Variants in DMXL2 observed in about 807,000 individuals in gnomAD.
DMXL2 encodes Dmx like 2.
DMXL2 carries 103 observed loss-of-function variants against 331.1 expected under a neutral mutation model. That is an observed-to-expected ratio of 0.31 (90% CI 0.27 to 0.37). The LOEUF (loss-of-function observed/expected upper bound fraction) is 0.37. DMXL2 is among the 10% of genes least tolerant of loss of function. The probability of loss-of-function intolerance (pLI) is 1.00; values close to 1 mark genes in which losing one functional copy is unlikely to be tolerated. For missense variants in DMXL2, 3,171 were observed against 3,642.9 expected, an observed-to-expected ratio of 0.87 and a Z score of 3.33; for synonymous variants, 1,281 against 1,252.1, an observed-to-expected ratio of 1.02 and a Z score of -0.49.
At chr15:51,491,827 G>T in intron 19 of DMXL2, 80 bp from the exon 20 acceptor site, 1 of 1,210,862 alleles carries the variant, frequency 8.3e-7, no homozygotes, top group Non-Finnish European at 1.1e-6. Flanking sequence ...AGTCACATAC[G>T]CATTCATTTT....
At chr15:51,608,810 A>C (rs1317417568) in intron 1 of DMXL2, among the ~76,000 whole-genome samples, 1 of 152,190 alleles carries the variant, frequency 6.6e-6, no homozygotes, top group Non-Finnish European at 1.5e-5. Context: ...TTACAACACT[A>C]ACAGATTGAT....
At chr15:51,498,454 G>A in intron 18 of DMXL2, 98 bp downstream of exon 18, 2 of 1,265,666 alleles carry the variant, frequency 1.6e-6, no homozygotes, top group Non-Finnish European at 2.2e-6. Flanking sequence ...TGCAAAGTTT[G>A]AAAGTTGAGA....
intron 29 of DMXL2, among the ~76,000 whole-genome samples, chr15:51,468,183 G>C (rs1328963034): frequency 2.0e-5 from 3 of 152,156 alleles, no homozygotes; most frequent in African/African-American, 7.2e-5. Context: ...AACCAAGTAA[G>C]AGCGAGCACC....
At chr15:51,547,511 A>G (rs2048951529) in intron 6 of DMXL2, 103 bp from the exon 7 acceptor site, 2 of 705,862 alleles carry the variant, frequency 2.8e-6, no homozygotes, top group East Asian at 3.0e-5. Flanking sequence ...CTAAAAACTA[A>G]TATGTGACTT....
intron 23 of DMXL2, among the ~76,000 whole-genome samples, chr15:51,485,081 G>A (rs995346240): frequency 1.6e-4 from 23 of 142,448 alleles, no homozygotes; most frequent in African/African-American, 5.6e-4. Flanking sequence ...AAAAAAGAAT[G>A]AAGAAAGCCT....
chr15:51,585,541 T>A (rs1342086928), intron 1 of DMXL2, among the ~76,000 whole-genome samples: 1 of 152,214 alleles, frequency 6.6e-6, no homozygotes, highest in South Asian at 2.1e-4. Flanking sequence ...TATGTATAGA[T>A]GATATATGCG....
rs200732334 is a variant in DMXL2, at chr15:51,463,501, T to C, written c.7809-5A>G. The stretch of plus-strand genomic sequence containing the variant: ...AATGCAGAAGAATCCCGGGACCTAT[T>C]AAAAAAAATTAACATATCACACTAC... On this transcript the variant is annotated splice_region_variant and splice_polypyrimidine_tract_variant and intron_variant, in intron 32 of 43. Transcript: ENST00000560891. The C allele has an allele frequency of 6.7e-5, 102 of 1,514,818 alleles. No individual in the cohort carries two copies. The African/African-American group carries it at 1.2e-3, about 18-fold the overall frequency. 93.8% of individuals were successfully genotyped at this position (1,514,818 alleles called of 1,614,324 possible).
In DMXL2 at chr15:51,568,444, T is replaced by G. The variant is rs757520110; in HGVS notation, c.285+43A>C. The G allele has an allele frequency of 6.9e-6, 9 of 1,298,814 alleles. No homozygotes were observed. The African/African-American group carries it at 1.2e-4, about 18-fold the overall frequency. The allele number at this position is 1,298,814 out of a possible 1,614,324, so 80.5% of individuals were successfully genotyped here. A position where few individuals can be genotyped will look rare whatever the true frequency, so the allele number is the denominator to read the frequency against. On this transcript the variant is annotated intron_variant, in intron 3 of 43. Transcript: ENST00000560891. ...TATTAACATCAATTGGATTCTAAAG[T>G]TAACTAGATTCTAAAAGTATTCTAT...
At chr15:51,561,485 G>A (rs1478295102) in intron 6 of DMXL2, among the ~76,000 whole-genome samples, 1 of 152,058 alleles carries the variant, frequency 6.6e-6, no homozygotes, top group Middle Eastern at 3.4e-3. Context: ...ACCCGTGGTG[G>A]CAGAGGCAGG....
In DMXL2 at chr15:51,499,658, G is replaced by A. The variant is rs763943664; in HGVS notation, c.3566C>T (p.Ala1189Val). ...AAGCCTTCCATACATGAAGATATTC[G>A]CACCGACTCCCACTGTAAGAATGTG... ...GSHILTVGVG[A>V]NIFMYGRLSG... Residue 1189 changes from alanine (A) to valine (V), a missense_variant, in exon 18 of 44, where the codon GCG becomes GTG. Around this residue, in one of 7 missense-constraint regions of DMXL2, gnomAD observed 1,674 missense variants for 1,780.2 expected, o/e 0.94. Coordinates refer to ENST00000560891, the MANE Select transcript of DMXL2 (RefSeq NM_001378457.1). 27 of 1,613,676 alleles carry A rather than the reference G, an allele frequency of 1.7e-5. No individual in the cohort carries two copies. Among genetic ancestry groups the A allele is most frequent in the South Asian group, 2.2e-5 (2 of 91,068 alleles).
chr15:51,596,910 G>A (rs572780010), intron 1 of DMXL2, among the ~76,000 whole-genome samples: 13 of 152,192 alleles, frequency 8.5e-5, no homozygotes, highest in Middle Eastern at 3.4e-3. Flanking sequence ...ATCACACACC[G>A]GGGCCTGTTG....
intron 36 of DMXL2, chr15:51,457,811 T>G (rs1199111887): frequency 5.1e-6 from 1 of 197,146 alleles, no homozygotes; most frequent in East Asian, 1.4e-4. Context: ...TTTAAAGATT[T>G]CTTGGAGTAA....
intron 16 of DMXL2, among the ~76,000 whole-genome samples, chr15:51,504,506 T>A (rs2140526224): frequency 6.6e-6 from 1 of 152,324 alleles, no homozygotes; most frequent in East Asian, 1.9e-4. Flanking sequence ...AGATACTCTA[T>A]ATTTATTTAT....
At chr15:51,513,984 CTG>C (rs762744368) in intron 15 of DMXL2, among the ~76,000 whole-genome samples, 3 of 152,254 alleles carry the variant, frequency 2.0e-5, no homozygotes, top group African/African-American at 7.2e-5. Flanking sequence ...AAGGGGAAAA[CTG>C]TGAGATGGTA....
chr15:51,608,516 T>C (rs929294700), intron 1 of DMXL2, among the ~76,000 whole-genome samples: 8 of 152,160 alleles, frequency 5.3e-5, no homozygotes, highest in African/African-American at 1.4e-4. Context: ...AAATACCACA[T>C]ATTCTCATTT....
At chr15:51,496,497 G>A (rs747596104) in intron 18 of DMXL2, among the ~76,000 whole-genome samples, 7 of 152,188 alleles carry the variant, frequency 4.6e-5, no homozygotes, top group East Asian at 1.9e-4. Flanking sequence ...AGCATAGATC[G>A]TGTGGGGCCT....
In DMXL2 at chr15:51,463,363, A is replaced by G. The variant is rs1595901999; in HGVS notation, c.7926+16T>C. 4 of 1,388,640 alleles carry G rather than the reference A, an allele frequency of 2.9e-6. No homozygotes were observed. The highest frequency in any genetic ancestry group is 4.0e-6 in the Non-Finnish European group (4 of 993,312). 86.0% of individuals were successfully genotyped at this position (1,388,640 alleles called of 1,614,324 possible). A position where few individuals can be genotyped will look rare whatever the true frequency, so the allele number is the denominator to read the frequency against. ...CTAAAGAAAAATTACAATAGAAAAT[A>G]TTTTTCTCAAAATACCTCACTCTGC... On this transcript the variant is annotated intron_variant, in intron 33 of 43. Transcript: ENST00000560891.
Position 51,479,930 on chromosome 15 carries a change from T to C in DMXL2, c.6756+18A>G. On this transcript the variant is annotated intron_variant, in intron 25 of 43. Coordinates refer to ENST00000560891, the MANE Select transcript of DMXL2 (RefSeq NM_001378457.1). ...TCTCAGGGTGTATAATATCAAATGATCATAAACTTTACATTACCTTCACAT... is the reference window on the plus strand; with the variant it reads ...TCTCAGGGTGTATAATATCAAATGACCATAAACTTTACATTACCTTCACAT... 6.8e-7 allele frequency: 1 copy of C among 1,465,580 alleles called. No homozygotes were observed. Among genetic ancestry groups the C allele is most frequent in the South Asian group, 1.5e-5 (1 of 65,090 alleles). The allele number at this position is 1,465,580 out of a possible 1,614,324, so 90.8% of individuals were successfully genotyped here.
Position 51,542,500 on chromosome 15 carries a change from T to C in DMXL2, c.938A>G (p.His313Arg), listed in dbSNP as rs2048654900. Residue 313 changes from histidine to arginine, a missense_variant, in exon 9 of 44, where the codon CAC (histidine) becomes CGC (arginine). By Grantham distance (29) the His-to-Arg change is conservative (BLOSUM62 0). Coordinates refer to ENST00000560891, the MANE Select transcript of DMXL2 (RefSeq NM_001378457.1). ...TCCTTTCCTTAAATTTTTCAAATGG[T>C]GTATTGTCTAAAATAGAAAAATAGT... Reference protein sequence around the residue: ...DRIQHALETIHHLKNLRKGQR... With the variant: ...DRIQHALETIRHLKNLRKGQR... 2 of 1,612,076 alleles carry C rather than the reference T, an allele frequency of 1.2e-6. No individual in the cohort carries two copies. Among genetic ancestry groups the C allele is most frequent in the African/African-American group, 1.3e-5 (1 of 74,882 alleles).
Sources: allele counts gnomAD v4.1 joint callset (sites outside exome capture counted in the v4.1 genomes callset), GRCh38; gene constraint gnomAD v4.1.1; regional missense constraint gnomAD v4.1.1; transcripts MANE v1.5; gene names NCBI Gene and HGNC (gene_info 2026-07-23, HGNC 2026-07-21).